The following ABCC4 variants were observed in gnomAD, a reference collection of about 807,000 sequenced individuals.
ABCC4 encodes the protein ATP binding cassette subfamily C member 4 (PEL blood group), also known as ATP-binding cassette sub-family C member 4.
In ABCC4, 102 loss-of-function variants were observed where a neutral mutation model predicts 168.5. The ratio of observed to expected loss-of-function variants is 0.61; its 90% CI spans 0.52 to 0.71. The LOEUF is 0.71. Ranked by LOEUF, ABCC4 falls within the 30% of genes least tolerant of loss-of-function variation. ABCC4 has a pLI of 0.00. For synonymous variants in ABCC4, 617 were observed against 590.7 expected (o/e 1.04, Z -0.65); for missense variants, 1,402 against 1,605.8 (o/e 0.87, Z 2.17).
At chr13:95,095,005 C>T (rs897164384) in intron 20 of ABCC4, among the ~76,000 whole-genome samples, 1 of 152,088 alleles carries the variant, frequency 6.6e-6, no homozygotes, top group East Asian at 1.9e-4. Context: ...TAGATGTTGG[C>T]ATGGATGCAG....
chr13:95,301,380 C>A lies in ABCC4; in HGVS notation c.-66G>T. 1 of 1,406,674 alleles carries A rather than the reference C, an allele frequency of 7.1e-7. No homozygotes were observed. Among genetic ancestry groups the A allele is most frequent in the Non-Finnish European group, 9.6e-7 (1 of 1,041,644 alleles). The allele number at this position is 1,406,674 out of a possible 1,614,324, so 87.1% of individuals were successfully genotyped here. On this transcript the variant is annotated 5_prime_UTR_variant, in exon 1 of 31. Transcript: ENST00000645237. ...CAGGCGGCGGTGGCCGCGGGCTCCG[C>A]TCCTGGACCTCAAGCAGGGATGCTG...
At chr13:95,214,869 G>GA (rs71207583) in intron 4 of ABCC4, among the ~76,000 whole-genome samples, 102,527 of 136,422 alleles carry the variant, frequency 0.75, 39,180 homozygotes, top group Non-Finnish European at 0.84. Flanking sequence ...CTGGGTGATA[G>GA]GTGAGACTCC....
chr13:95,035,379 C>T (rs1006050889), intron 29 of ABCC4, among the ~76,000 whole-genome samples: 3 of 152,066 alleles, frequency 2.0e-5, no homozygotes, highest in African/African-American at 7.2e-5. Flanking sequence ...AAAGGCTAGC[C>T]GAAAAAGCTG....
intron 21 of ABCC4, among the ~76,000 whole-genome samples, chr13:95,077,669 T>G (rs892719657): frequency 8.0e-5 from 12 of 149,076 alleles, no homozygotes; most frequent in African/African-American, 3.0e-4. Context: ...CTACATATGT[T>G]TTATAAAATG....
intron 11 of ABCC4, among the ~76,000 whole-genome samples, chr13:95,179,593 A>G (rs2037822981): frequency 6.6e-6 from 1 of 152,356 alleles, no homozygotes; most frequent in African/African-American, 2.4e-5. Flanking sequence ...GTTACAGGAC[A>G]TTACATTAGA....
intron 1 of ABCC4, among the ~76,000 whole-genome samples, chr13:95,284,684 G>A (rs1179927148): frequency 1.3e-5 from 2 of 152,158 alleles, no homozygotes; most frequent in African/African-American, 4.8e-5. Context: ...TGGAACATAA[G>A]CCCCTTAGGG....
intron 14 of ABCC4, among the ~76,000 whole-genome samples, chr13:95,168,754 T>C (rs2037369590): frequency 6.6e-6 from 1 of 152,114 alleles, no homozygotes. Context: ...CAAGGAGTGC[T>C]GCATGAAACC....
intron 1 of ABCC4, among the ~76,000 whole-genome samples, chr13:95,265,921 T>G (rs1243386023): frequency 6.6e-6 from 1 of 152,104 alleles, no homozygotes; most frequent in African/African-American, 2.4e-5. Context: ...GGGCCAAGAT[T>G]ACACAAAAGG....
At chr13:95,225,360 G>GTT (rs2039434469) in intron 4 of ABCC4, among the ~76,000 whole-genome samples, 1 of 152,090 alleles carries the variant, frequency 6.6e-6, no homozygotes, top group African/African-American at 2.4e-5. Flanking sequence ...ACAACAAACG[G>GTT]TAAGTGAAAA....
rs947118103 is a variant in ABCC4, at chr13:95,021,474, T to C, written c.*101A>G. ...CAAATGAACTAGCATCTTGTATGTA[T>C]AAATATTTGTTGCCAAAGTAAAAAA... On this transcript the variant is annotated 3_prime_UTR_variant, in exon 31 of 31. Transcript: ENST00000645237. The C allele has an allele frequency of 1.5e-5, 11 of 728,894 alleles. No homozygotes were observed. The Admixed American group carries it at 1.5e-4, about 10-fold the overall frequency. 45.2% of individuals were successfully genotyped at this position (728,894 alleles called of 1,614,324 possible).
At chr13:95,064,513 ATGTGTGTG>A (rs3046394) in intron 25 of ABCC4, among the ~76,000 whole-genome samples, 2 of 148,588 alleles carry the variant, frequency 1.3e-5, no homozygotes, top group Admixed American at 1.3e-4. Flanking sequence ...GTATGTGTGT[ATGTGTGTG>A]TGTGTGTGTG....
chr13:95,150,762 T>A (rs1434512100), intron 19 of ABCC4, among the ~76,000 whole-genome samples: 2 of 152,056 alleles, frequency 1.3e-5, no homozygotes, highest in South Asian at 4.2e-4. Flanking sequence ...ACACTGGAAG[T>A]CCCTCCCCTT....
At chr13:95,243,435 G>A (rs558850448) in intron 3 of ABCC4, among the ~76,000 whole-genome samples, 3 of 152,324 alleles carry the variant, frequency 2.0e-5, no homozygotes, top group East Asian at 1.9e-4. Context: ...AGTCAATGTC[G>A]TGACCATGCA....
intron 26 of ABCC4, among the ~76,000 whole-genome samples, chr13:95,062,039 C>G (rs2033319374): frequency 6.6e-6 from 1 of 151,964 alleles, no homozygotes. Flanking sequence ...CCAATTTAAC[C>G]CTCCACCATC....
At chr13:95,033,152 T>C (rs982117235) in intron 30 of ABCC4, among the ~76,000 whole-genome samples, 1 of 151,986 alleles carries the variant, frequency 6.6e-6, no homozygotes, top group Non-Finnish European at 1.5e-5. Context: ...ATATTTTTAG[T>C]AGAAATGGGG....
rs139970608 is a variant in ABCC4 at position 95,083,230 on chromosome 13, T to C, written c.2596A>G (p.Ile866Val). ...VAVAVIPWIAIPLVPLGIIFI... is the reference protein window; with the variant it reads ...VAVAVIPWIAVPLVPLGIIFI... ...ATGATTCCAAGGGGAACCAAGGGTA[T>C]TGCGATCCAAGGAATCACGGCCACA... Residue 866 changes from isoleucine to valine, a missense_variant, in exon 21 of 31, where the codon ATA (isoleucine) becomes GTA (valine). Ile to Val is a conservative substitution (Grantham distance 29, BLOSUM62 3). Around this residue, in one of 3 missense-constraint regions of ABCC4, gnomAD observed 1,007 missense variants for 1,127.3 expected, o/e 0.89. Transcript: ENST00000645237. 7,890 of 1,614,080 alleles carry C rather than the reference T, an allele frequency of 4.9e-3. 35 individuals are homozygous for C. Among genetic ancestry groups the C allele is most frequent in the Non-Finnish European group, 6.0e-3 (7,125 of 1,179,970 alleles).
intron 1 of ABCC4, among the ~76,000 whole-genome samples, chr13:95,258,232 T>C (rs2389227): frequency 0.93 from 140,939 of 152,202 alleles, 65,455 homozygotes; most frequent in East Asian, 1. Flanking sequence ...AAAAATATCA[T>C]GCCATGCTGC....
chr13:95,051,271 G>T (rs544319828), intron 27 of ABCC4, among the ~76,000 whole-genome samples: 1 of 152,242 alleles, frequency 6.6e-6, no homozygotes, highest in Non-Finnish European at 1.5e-5. Context: ...AAACTGTCAG[G>T]CCTCCAAGTC....
intron 1 of ABCC4, among the ~76,000 whole-genome samples, chr13:95,281,024 T>C (rs1186211444): frequency 6.6e-6 from 1 of 152,090 alleles, no homozygotes; most frequent in Non-Finnish European, 1.5e-5. Context: ...CTTTTAATAC[T>C]GGATGCTAAG....
Sources: gnomAD v4.1 joint callset for allele counts (sites outside exome capture counted in the v4.1 genomes callset) on GRCh38, gnomAD v4.1.1 for gene constraint, gnomAD v4.1.1 regional missense constraint, MANE v1.5 for transcripts, NCBI Gene and HGNC (gene_info 2026-07-23, HGNC 2026-07-21) for gene names.